Variants in CCDC33 observed in about 807,000 individuals in gnomAD.
CCDC33 encodes the protein coiled-coil domain containing 33, also known as coiled-coil domain-containing protein 33.
In CCDC33, 94 loss-of-function variants were observed where a neutral mutation model predicts 91.9. The observed-to-expected ratio is 1.02, with a 90% CI of 0.87 to 1.21. The LOEUF is 1.21. CCDC33 is among the 50% of genes most tolerant of loss of function. CCDC33 has a pLI of 0.00. For synonymous variants in CCDC33, 396 were observed against 374.5 expected, an observed-to-expected ratio of 1.06 and a Z score of -0.66; for missense variants, 940 against 935.5, an observed-to-expected ratio of 1.00 and a Z score of -0.06.
chr15:74,278,319 A>G (rs2076502694), intron 7 of CCDC33, among the ~76,000 whole-genome samples: 1 of 152,244 alleles, frequency 6.6e-6, no homozygotes. Flanking sequence ...CTGCATCAAT[A>G]ACTCCTGGAG....
At chr15:74,216,818 C>A (rs1287438613), upstream of CCDC33, among the ~76,000 whole-genome samples, 4 of 151,144 alleles carry the variant, frequency 2.6e-5, no homozygotes, top group African/African-American at 9.7e-5. Flanking sequence ...ATGAGCTCCC[C>A]ACACCAGAAT....
intron 2 of CCDC33, 152 bp from the exon 3 acceptor site, chr15:74,262,288 G>A (rs996979927): frequency 1.0e-6 from 1 of 985,352 alleles, no homozygotes; most frequent in Non-Finnish European, 1.5e-6. Flanking sequence ...CTGGGGGAGA[G>A]GCCTGGGATG....
At chr15:74,219,128 C>T (rs1038474440) in intron 2 of CCDC33, among the ~76,000 whole-genome samples, 1 of 152,200 alleles carries the variant, frequency 6.6e-6, no homozygotes, top group African/African-American at 2.4e-5. Context: ...GGGTTAGTGT[C>T]CCCTGAGACC....
chr15:74,295,808 C>T lies in CCDC33; in HGVS notation c.1150C>T (p.Pro384Ser), dbSNP rs1221959664. 2 of 1,613,974 alleles carry T rather than the reference C, an allele frequency of 1.2e-6. No individual in the cohort carries two copies. The highest frequency in any genetic ancestry group is 2.7e-5 in the African/African-American group (2 of 74,882). ...NNSKALPTLD[P>S]KILDKKLRTI... ...CAGCAAGGCTCTTCCTACCTTGGAC[C>T]CCAAGATCCTGGATAAGAAGCTGAG... Residue 384 changes from proline (P) to serine (S), a missense_variant, in exon 11 of 19, where the codon CCC becomes TCC. Transcript: ENST00000398814.
intron 4 of CCDC33, 89 bp downstream of exon 4, chr15:74,266,876 T>C (rs2076179928): frequency 1.1e-6 from 1 of 910,596 alleles, no homozygotes; most frequent in African/African-American, 1.6e-5. Flanking sequence ...GCCCTGAGCA[T>C]CCCACACCCA....
In CCDC33 at chr15:74,277,688, C is replaced by T. The variant is rs150566973; in HGVS notation, c.760-2275C>T. On this transcript the variant is annotated intron_variant, in intron 7 of 18. Transcript: ENST00000398814. ...CCCACCACTCCTGCCTGCACATGCA[C>T]AAGACAGGCTGACCCTCCCTCCCCA... is the stretch of plus-strand genomic sequence containing the variant. Among the ~76,000 whole-genome samples, 878 of 152,330 alleles carry T rather than the reference C, an allele frequency of 5.8e-3. 8 individuals carry two copies. The highest frequency in any genetic ancestry group is 0.02 in the African/African-American group (851 of 41,570).
At chr15:74,291,994 A>G (rs990970934) in intron 10 of CCDC33, among the ~76,000 whole-genome samples, 1 of 152,378 alleles carries the variant, frequency 6.6e-6, no homozygotes, top group East Asian at 1.9e-4. Flanking sequence ...GTGCGTGGCC[A>G]TGCATCTCTT....
intron 10 of CCDC33, among the ~76,000 whole-genome samples, chr15:74,292,515 A>G (rs141576886): frequency 5.3e-5 from 8 of 152,330 alleles, no homozygotes; most frequent in South Asian, 2.1e-4. Flanking sequence ...GTCACCTCAC[A>G]TGACAAAAGC....
Position 74,280,671 on chromosome 15 carries a change from A to G in CCDC33, c.893A>G (p.Lys298Arg). The change falls in exon 9 of 19, where the codon AAA becomes AGA. Residue 298 changes from lysine (K) to arginine (R), a missense_variant. Transcript: ENST00000398814. ...VLEYYSSTSM[K>R]GSQPWTLNQP... ...CTAGTTGATCCTTCCCCCACAGTGA[A>G]AGGCAGCCAGCCGTGGACCCTCAAC... 1 of 1,484,344 alleles carries G rather than the reference A, an allele frequency of 6.7e-7. No individual in the cohort carries two copies. Among genetic ancestry groups the G allele is most frequent in the Non-Finnish European group, 9.0e-7 (1 of 1,114,494 alleles). 91.9% of individuals were successfully genotyped at this position (1,484,344 alleles called of 1,614,324 possible). A position where few individuals can be genotyped will look rare whatever the true frequency, so the allele number is the denominator to read the frequency against.
At chr15:74,309,668 G>A (rs1293063175) in intron 11 of CCDC33, among the ~76,000 whole-genome samples, 1 of 152,062 alleles carries the variant, frequency 6.6e-6, no homozygotes, top group Non-Finnish European at 1.5e-5. Flanking sequence ...CAGAGGGTCT[G>A]GGAACAAGCT....
At chr15:74,309,633 G>T (rs1190380412) in intron 11 of CCDC33, among the ~76,000 whole-genome samples, 1 of 152,148 alleles carries the variant, frequency 6.6e-6, no homozygotes, top group Non-Finnish European at 1.5e-5. Context: ...ACAGTGGGGA[G>T]TGAAGAGTAC....
At chr15:74,226,721 G>A (rs1432532054) in intron 2 of CCDC33, among the ~76,000 whole-genome samples, 8 of 151,960 alleles carry the variant, frequency 5.3e-5, no homozygotes, top group Non-Finnish European at 8.8e-5. Flanking sequence ...CCAGCTACTC[G>A]GGAGGCTGAG....
chr15:74,249,826 C>T (rs960514159), intron 2 of CCDC33, among the ~76,000 whole-genome samples: 4 of 152,114 alleles, frequency 2.6e-5, no homozygotes, highest in African/African-American at 9.7e-5. Flanking sequence ...TGGGTTTGGA[C>T]GGGTGAATTT....
chr15:74,313,581 C>A (rs1006047227), intron 11 of CCDC33, among the ~76,000 whole-genome samples: 3 of 151,920 alleles, frequency 2.0e-5, no homozygotes, highest in African/African-American at 7.3e-5. Flanking sequence ...CGCGATGCTC[C>A]GCTAATTTTT....
intron 1 of CCDC33, among the ~76,000 whole-genome samples, chr15:74,241,826 G>A (rs1027900758): frequency 6.6e-6 from 1 of 152,232 alleles, no homozygotes; most frequent in African/African-American, 2.4e-5. Context: ...AACTGGATAA[G>A]GGATGTAGAG....
At chr15:74,322,194 T>A (rs139212895) in intron 11 of CCDC33, among the ~76,000 whole-genome samples, 5 of 152,348 alleles carry the variant, frequency 3.3e-5, no homozygotes, top group African/African-American at 1.2e-4. Context: ...AATGTTATCA[T>A]TTAAAACGAT....
intron 5 of CCDC33, 51 bp downstream of exon 5, chr15:74,268,509 A>G (rs1595987100): frequency 7.4e-7 from 1 of 1,343,922 alleles, no homozygotes; most frequent in East Asian, 2.3e-5. Context: ...GAAAGGGCCA[A>G]GCTTTGAGCA....
intron 1 of CCDC33, among the ~76,000 whole-genome samples, chr15:74,203,420 C>T (rs1181352753): frequency 6.6e-6 from 1 of 152,196 alleles, no homozygotes; most frequent in East Asian, 1.9e-4. Context: ...GAGCAGGACC[C>T]TGCCCCAGCC....
At chr15:74,324,252 G>C (rs532682829) in intron 11 of CCDC33, among the ~76,000 whole-genome samples, 1 of 151,900 alleles carries the variant, frequency 6.6e-6, no homozygotes, top group Non-Finnish European at 1.5e-5. Context: ...CTTTGCACAC[G>C]GCTCTTTTGC....
Sources: gnomAD v4.1 joint callset for allele counts (sites outside exome capture counted in the v4.1 genomes callset) on GRCh38, gnomAD v4.1.1 for gene constraint, MANE v1.5 for transcripts, NCBI Gene and HGNC (gene_info 2026-07-23, HGNC 2026-07-21) for gene names.